Variants in CUX1 observed in about 807,000 individuals in gnomAD.
CUX1 encodes the protein protein CASP.
Under a neutral mutation model 158.8 loss-of-function variants are expected in CUX1, and 31 were observed. That is an observed-to-expected ratio of 0.20 (90% CI 0.15 to 0.26). The LOEUF (loss-of-function observed/expected upper bound fraction) is 0.26, where lower values mean the gene tolerates loss of function less well. Among genes scored for constraint, CUX1 ranks in the 10% least tolerant of loss-of-function variants. The pLI, the probability that CUX1 is intolerant of heterozygous loss-of-function variation, is 1.00. For missense variants in CUX1, 1,589 were observed against 2,014.6 expected (o/e 0.79, Z 4.04); for synonymous variants, 879 against 862.1 (o/e 1.02, Z -0.34).
At chr7:101,906,625 G>A (rs1802791653) in intron 1 of CUX1, among the ~76,000 whole-genome samples, 2 of 152,100 alleles carry the variant, frequency 1.3e-5, no homozygotes, top group Non-Finnish European at 2.9e-5. Context: ...GGAGGACTGT[G>A]TCCTGGTCAT....
chr7:102,059,248 T>C (rs1320658596), intron 3 of CUX1, among the ~76,000 whole-genome samples: 1 of 152,230 alleles, frequency 6.6e-6, no homozygotes, highest in Non-Finnish European at 1.5e-5. Flanking sequence ...AATCTTGTGC[T>C]GTCCCCTGCC....
At chr7:102,000,611 G>A (rs1816576969) in intron 2 of CUX1, among the ~76,000 whole-genome samples, 1 of 152,230 alleles carries the variant, frequency 6.6e-6, no homozygotes, top group African/African-American at 2.4e-5. Flanking sequence ...CGTTGAAGCT[G>A]CAGCCCATTG....
intron 23 of CUX1, among the ~76,000 whole-genome samples, chr7:102,246,587 C>A (rs1800838339): frequency 6.6e-6 from 1 of 151,502 alleles, no homozygotes; most frequent in South Asian, 2.1e-4. Context: ...TTTTTTTTCC[C>A]TTGAGACAGG....
At chr7:101,971,835 G>C (rs1811994798) in intron 2 of CUX1, among the ~76,000 whole-genome samples, 1 of 152,228 alleles carries the variant, frequency 6.6e-6, no homozygotes, top group South Asian at 2.1e-4. Context: ...AATAGAAGCA[G>C]CATTACATTG....
chr7:102,099,719 G>A (rs565359084), intron 5 of CUX1, among the ~76,000 whole-genome samples: 4 of 152,158 alleles, frequency 2.6e-5, no homozygotes, highest in East Asian at 3.9e-4. Flanking sequence ...GTGTACCACC[G>A]TGCCCAGCCT....
At chr7:102,061,256 C>T (rs1166058966) in intron 3 of CUX1, among the ~76,000 whole-genome samples, 4 of 152,228 alleles carry the variant, frequency 2.6e-5, no homozygotes, top group East Asian at 1.9e-4. Context: ...ACCTGCCTCC[C>T]GGTCACCCAG....
intron 1 of CUX1, among the ~76,000 whole-genome samples, chr7:101,856,755 A>G (rs1051030982): frequency 3.3e-5 from 5 of 152,302 alleles, no homozygotes; most frequent in Admixed American, 3.3e-4. Context: ...AGGAGTTGAC[A>G]GGTTTTCCTC....
Position 102,257,427 on chromosome 7 carries a change from A to C in CUX1, c.*8385A>C, listed in dbSNP as rs1352306540. ...CCCCATCTGAGACCTCTTGGAAAAA[A>C]AAAATCCCGTGTATTCTGGAGATGT... On this transcript the variant is annotated 3_prime_UTR_variant, in exon 24 of 24. Coordinates refer to ENST00000292535, the MANE Select transcript of CUX1 (RefSeq NM_181552.4). The C allele has an allele frequency of 1.0e-6, 1 of 985,252 alleles. No individual in the cohort carries two copies. Among genetic ancestry groups the C allele is most frequent in the African/African-American group, 1.7e-5 (1 of 57,204 alleles). 61.0% of individuals were successfully genotyped at this position (985,252 alleles called of 1,614,324 possible).
At chr7:101,948,270 C>T (rs1489373405) in intron 2 of CUX1, among the ~76,000 whole-genome samples, 2 of 152,262 alleles carry the variant, frequency 1.3e-5, no homozygotes, top group South Asian at 2.1e-4. Flanking sequence ...ATTTGGGCTC[C>T]GTAAACTTGG....
chr7:102,093,153 G>A (rs1461517477), intron 4 of CUX1, among the ~76,000 whole-genome samples: 1 of 119,220 alleles, frequency 8.4e-6, no homozygotes, highest in Non-Finnish European at 1.7e-5. Context: ...TAAGAAAACA[G>A]AAGCTTTTTT....
At chr7:102,139,654 A>G (rs1350142801) in intron 8 of CUX1, among the ~76,000 whole-genome samples, 9 of 152,090 alleles carry the variant, frequency 5.9e-5, no homozygotes, top group Non-Finnish European at 1.2e-4. Flanking sequence ...CACTTTCCAA[A>G]ATGAATTTTT....
intron 5 of CUX1, among the ~76,000 whole-genome samples, chr7:102,098,986 C>G (rs1353107673): frequency 1.3e-5 from 2 of 152,028 alleles, no homozygotes; most frequent in African/African-American, 4.8e-5. Flanking sequence ...TAAAAGTGTC[C>G]TTTGGCTTTA....
chr7:101,853,857 C>T (rs868626881), intron 1 of CUX1, among the ~76,000 whole-genome samples: 3 of 152,120 alleles, frequency 2.0e-5, no homozygotes, highest in African/African-American at 7.2e-5. Flanking sequence ...CAGCCCCCTG[C>T]CCATGGTCAT....
chr7:101,939,041 C>CA (rs561235456), intron 2 of CUX1, among the ~76,000 whole-genome samples: 21 of 68,262 alleles, frequency 3.1e-4, no homozygotes, highest in Admixed American at 5.7e-4. Flanking sequence ...AACTCTGTCT[C>CA]AAAAAAAAAA....
chr7:101,994,668 AG>A (rs778668105), intron 2 of CUX1, among the ~76,000 whole-genome samples: 1 of 152,116 alleles, frequency 6.6e-6, no homozygotes, highest in Non-Finnish European at 1.5e-5. Flanking sequence ...CCTGGGCTGA[AG>A]GCTTCTACTC....
At chr7:101,909,117 C>T (rs1372967535) in intron 1 of CUX1, among the ~76,000 whole-genome samples, 6 of 150,250 alleles carry the variant, frequency 4.0e-5, no homozygotes, top group South Asian at 2.1e-4. Context: ...TAGGCTGAGG[C>T]GGGAGGATCG....
chr7:102,112,846 A>G (rs1831076714), intron 7 of CUX1, among the ~76,000 whole-genome samples: 1 of 152,146 alleles, frequency 6.6e-6, no homozygotes, highest in Non-Finnish European at 1.5e-5. Context: ...TATTTCTGAA[A>G]GAGAAGCATC....
chr7:101,948,104 C>T (rs114516012), intron 2 of CUX1, among the ~76,000 whole-genome samples: 3,357 of 152,300 alleles, frequency 0.022, 120 homozygotes, highest in African/African-American at 0.072. Flanking sequence ...CAGCCAGATT[C>T]GGCCAGGCGC....
At chr7:102,085,236 A>C (rs1055180364) in intron 4 of CUX1, among the ~76,000 whole-genome samples, 6 of 152,218 alleles carry the variant, frequency 3.9e-5, no homozygotes, top group Non-Finnish European at 5.9e-5. Context: ...TTTTATGCAT[A>C]ATATGCATTT....
Sources: allele counts gnomAD v4.1 joint callset (sites outside exome capture counted in the v4.1 genomes callset), GRCh38; gene constraint gnomAD v4.1.1; transcripts MANE v1.5; gene names NCBI Gene and HGNC (gene_info 2026-07-23, HGNC 2026-07-21).